NNT: variants seen among roughly 807,000 people sequenced by gnomAD.
NNT encodes NAD(P) transhydrogenase, mitochondrial.
In NNT, 50 loss-of-function variants were observed where a neutral mutation model predicts 104.8. The ratio of observed to expected loss-of-function variants is 0.48; its 90% CI spans 0.38 to 0.60. The LOEUF (loss-of-function observed/expected upper bound fraction) is 0.60, where lower values mean the gene tolerates loss of function less well. Ranked by LOEUF, NNT falls within the 20% of genes least tolerant of loss-of-function variation. The pLI is 0.00. For synonymous variants in NNT, 461 were observed against 490.4 expected (o/e 0.94, Z 0.79); for missense variants, 1,131 against 1,330.7 (o/e 0.85, Z 2.33).
In NNT at chr5:43,653,088, G is replaced by A. The variant is rs1442228186; in HGVS notation, c.1934G>A (p.Arg645His). ...GGCCTCTCCACCCAGGGAACAGCAC[G>A]TCTTGGCAATGCACTGGGCATGATT... ...LAGLSTQGTARLGNALGMIGV... is the reference protein window; with the variant it reads ...LAGLSTQGTAHLGNALGMIGV... The change falls in exon 14 of 22, where the codon CGT becomes CAT. Residue 645 changes from arginine to histidine, a missense_variant. Coordinates refer to ENST00000344920, the MANE Select transcript of NNT (RefSeq NM_182977.3). 1.2e-6 allele frequency: 2 copies of A among 1,614,098 alleles called. No individual in the cohort carries two copies. The highest frequency in any genetic ancestry group is 1.7e-6 in the Non-Finnish European group (2 of 1,180,014).
intron 6 of NNT, among the ~76,000 whole-genome samples, chr5:43,624,652 G>T (rs1750271654): frequency 6.6e-6 from 1 of 152,084 alleles, no homozygotes; most frequent in Non-Finnish European, 1.5e-5. Context: ...GAAAGTACTT[G>T]GTTATGTATA....
At chr5:43,677,889 A>T in intron 19 of NNT, 83 bp downstream of exon 19, 1 of 1,134,314 alleles carries the variant, frequency 8.8e-7, no homozygotes, top group Non-Finnish European at 1.3e-6. Context: ...CCCTTGAACA[A>T]TGTAGGGGTT....
At chr5:43,670,656 A>G (rs112558542) in intron 17 of NNT, among the ~76,000 whole-genome samples, 1,744 of 152,268 alleles carry the variant, frequency 0.011, 19 homozygotes, top group African/African-American at 0.039. Context: ...AGAGTTTGTT[A>G]TAATTTCTGT....
intron 17 of NNT, among the ~76,000 whole-genome samples, chr5:43,670,014 G>A (rs1740961524): frequency 1.3e-5 from 2 of 152,128 alleles, no homozygotes; most frequent in African/African-American, 4.8e-5. Flanking sequence ...TCTTGGGAGG[G>A]TGTATGTGTC....
chr5:43,603,910 A>G (rs1372657082), intron 1 of NNT, among the ~76,000 whole-genome samples: 1 of 152,150 alleles, frequency 6.6e-6, no homozygotes, highest in Non-Finnish European at 1.5e-5. Context: ...AGGAAGAGAC[A>G]GCGGAGAGGG....
At chr5:43,621,051 T>C (rs1750060912) in intron 5 of NNT, among the ~76,000 whole-genome samples, 1 of 152,248 alleles carries the variant, frequency 6.6e-6, no homozygotes, top group Non-Finnish European at 1.5e-5. Context: ...TTTTCTGAAA[T>C]TGAAGGCACT....
At chr5:43,685,541 A>T (rs1218193782) in intron 19 of NNT, among the ~76,000 whole-genome samples, 1 of 152,180 alleles carries the variant, frequency 6.6e-6, no homozygotes, top group Admixed American at 6.5e-5. Flanking sequence ...CAAGAAGCTG[A>T]AAAATGGAAA....
intron 7 of NNT, among the ~76,000 whole-genome samples, chr5:43,629,031 T>A (rs867656939): frequency 2.0e-5 from 3 of 152,312 alleles, no homozygotes; most frequent in Admixed American, 6.5e-5. Flanking sequence ...CAATAGCTTT[T>A]GGGGAGCAGG....
intron 3 of NNT, 49 bp from the exon 4 acceptor site, chr5:43,615,799 A>T: frequency 7.3e-7 from 1 of 1,376,512 alleles, no homozygotes; most frequent in Non-Finnish European, 1.0e-6. Flanking sequence ...GCTTAAAAAT[A>T]TGATTAAAGT....
intron 19 of NNT, among the ~76,000 whole-genome samples, chr5:43,695,635 G>C (rs1324041692): frequency 1.3e-5 from 2 of 152,184 alleles, no homozygotes; most frequent in African/African-American, 4.8e-5. Flanking sequence ...AGGATGTTTT[G>C]CTTAGGAGGC....
At chr5:43,653,236 C>G (rs758020302) in intron 14 of NNT, 23 bp downstream of exon 14, 1 of 1,583,462 alleles carries the variant, frequency 6.3e-7, no homozygotes, top group African/African-American at 1.4e-5. Context: ...GGGCTTCTGC[C>G]TTCATGTGAA....
chr5:43,665,874 G>C (rs1223601366), intron 17 of NNT, among the ~76,000 whole-genome samples: 3 of 151,498 alleles, frequency 2.0e-5, no homozygotes, highest in East Asian at 3.9e-4. Context: ...TCTCCTGGAC[G>C]GGGCGGCTGC....
Position 43,675,605 on chromosome 5 carries a change from C to T in NNT, c.2729C>T (p.Thr910Met), listed in dbSNP as rs141643354. The stretch of plus-strand genomic sequence containing the variant: ...CCCATGGAAATTTCTGGCACACATA[C>T]GGAAATCAACCTTGACAATGCAATT... ...GKPMEISGTH[T>M]EINLDNAIDM... The change falls in exon 18 of 22, where the codon ACG becomes ATG. Residue 910 changes from threonine to methionine, a missense_variant. Coordinates refer to ENST00000344920, the MANE Select transcript of NNT (RefSeq NM_182977.3). 3.9e-5 allele frequency: 63 copies of T among 1,612,560 alleles called. No individual in the cohort carries two copies. Among genetic ancestry groups the T allele is most frequent in the African/African-American group, 3.1e-4 (23 of 74,812 alleles).
intron 9 of NNT, 86 bp downstream of exon 9, chr5:43,644,888 T>C (rs1483009118): frequency 8.9e-7 from 1 of 1,126,000 alleles, no homozygotes; most frequent in Non-Finnish European, 1.2e-6. Context: ...TATTTTGGAA[T>C]TGAGACATAT....
chr5:43,634,684 A>T (rs1047823282), intron 7 of NNT, among the ~76,000 whole-genome samples: 9 of 152,204 alleles, frequency 5.9e-5, no homozygotes, highest in African/African-American at 2.2e-4. Context: ...GAGAAACTTA[A>T]GTGTTGCAAC....
rs551532812 is a variant in NNT, at chr5:43,677,576, C to T, written c.2795-149C>T. On this transcript the variant is annotated intron_variant, in intron 18 of 21. Coordinates refer to ENST00000344920, the MANE Select transcript of NNT (RefSeq NM_182977.3). The stretch of plus-strand genomic sequence containing the variant: ...AAATTTAGGGCAATATTTTTAAAAG[C>T]CCAGCTTATAAATTTGCTTTCATTT... The T allele has an allele frequency of 2.6e-5, 16 of 625,216 alleles. No homozygotes were observed. The African/African-American group carries it at 2.9e-4, about 11-fold the overall frequency. The allele number at this position is 625,216 out of a possible 1,614,324, so 38.7% of individuals were successfully genotyped here.
chr5:43,656,052 A>G lies in NNT; in HGVS notation c.2272A>G (p.Ile758Val). 1 of 1,612,306 alleles carries G rather than the reference A, an allele frequency of 6.2e-7. No individual in the cohort carries two copies. Among genetic ancestry groups the G allele is most frequent in the Non-Finnish European group, 8.5e-7 (1 of 1,178,334 alleles). The change falls in exon 15 of 22, where the codon ATT becomes GTT. Residue 758 changes from isoleucine to valine, a missense_variant. Physicochemically the swap from Ile to Val is conservative, Grantham distance 29. Transcript: ENST00000344920. ...TGGCGTCACCTTTAGTGGGTCTCTC[A>G]TTGCCTATGGAAAATTGCAGGGTAA... Reference protein sequence around the residue: ...IGGVTFSGSLIAYGKLQGLLK... With the variant: ...IGGVTFSGSLVAYGKLQGLLK...
At chr5:43,673,207 G>T (rs1033529459) in intron 17 of NNT, among the ~76,000 whole-genome samples, 7 of 152,196 alleles carry the variant, frequency 4.6e-5, no homozygotes, top group African/African-American at 1.7e-4. Flanking sequence ...CTAGGAAAGG[G>T]TATTCCCTGA....
intron 19 of NNT, among the ~76,000 whole-genome samples, chr5:43,679,386 G>A (rs1450944165): frequency 6.6e-6 from 1 of 152,162 alleles, no homozygotes; most frequent in Non-Finnish European, 1.5e-5. Context: ...ATTATCCTTA[G>A]GGAAGGGAAG....
Sources: allele counts gnomAD v4.1 joint callset (sites outside exome capture counted in the v4.1 genomes callset), GRCh38; gene constraint gnomAD v4.1.1; transcripts MANE v1.5; gene names NCBI Gene and HGNC (gene_info 2026-07-23, HGNC 2026-07-21).